Variants in FRMD4A observed in about 807,000 individuals in gnomAD.
FRMD4A encodes the protein FERM domain-containing protein 4A.
Under a neutral mutation model 129.1 loss-of-function variants are expected in FRMD4A, and 29 were observed. That is an observed-to-expected ratio of 0.22 (90% CI 0.17 to 0.31). The LOEUF (loss-of-function observed/expected upper bound fraction) is 0.31. Among genes scored for constraint, FRMD4A ranks in the 10% least tolerant of loss-of-function variants. The pLI is 1.00. For missense variants in FRMD4A, 1,272 were observed against 1,375.8 expected (o/e 0.92, Z 1.19); for synonymous variants, 634 against 571.6 (o/e 1.11, Z -1.56).
Position 13,656,852 on chromosome 10 carries a change from C to T in FRMD4A, c.2737G>A (p.Gly913Ser), listed in dbSNP as rs761928430. ...ILRTPSLGRE[G>S]AHDKGAGRAA... ...CGGCCCGCGCCCTTGTCGTGGGCGC[C>T]CTCGCGGCCCAGCGACGGAGTCCGC... is the stretch of plus-strand genomic sequence containing the variant. The change falls in exon 22 of 25, where the codon GGC becomes AGC. Residue 913 changes from glycine (G) to serine (S), a missense_variant. Around this residue, in one of 2 missense-constraint regions of FRMD4A, gnomAD observed 972 missense variants for 892.3 expected, o/e 1.09. Transcript: ENST00000357447. 4.7e-6 allele frequency: 7 copies of T among 1,498,258 alleles called. No individual in the cohort carries two copies. Among genetic ancestry groups the T allele is most frequent in the East Asian group, 2.7e-5 (1 of 37,464 alleles). The allele number at this position is 1,498,258 out of a possible 1,614,324, so 92.8% of individuals were successfully genotyped here.
rs2094582702 is a variant in FRMD4A, at chr10:13,884,154, T to TTACACACA, written c.46-25243_46-25242insTGTGTGTA. Reference sequence around the variant, plus strand: ...CACGCTCACACACACTCTCACACACTCTCACACACACACTCACACACTCAC... The same window carrying TTACACACA: ...CACGCTCACACACACTCTCACACACTTACACACACTCACACACACACTCACACACTCAC... On this transcript the variant is annotated intron_variant, in intron 2 of 24. Transcript: ENST00000357447. Among the ~76,000 whole-genome samples the TTACACACA allele has an allele frequency of 3.1e-4, 35 of 111,226 alleles. 1 individual carries two copies. The highest frequency in any genetic ancestry group is 1.2e-3 in the African/African-American group (33 of 27,934). The allele number at this position is 111,226 out of a possible 152,430, so 73.0% of individuals were successfully genotyped here.
chr10:13,740,480 G>T, intron 10 of FRMD4A, 32 bp downstream of exon 10: 1 of 1,275,686 alleles, frequency 7.8e-7, no homozygotes, highest in African/African-American at 1.5e-5. Context: ...CACAAACACT[G>T]TCCCCATGTG....
At chr10:14,222,342 G>A (rs1843288479) in intron 2 of FRMD4A, among the ~76,000 whole-genome samples, 1 of 152,220 alleles carries the variant, frequency 6.6e-6, no homozygotes, top group South Asian at 2.1e-4. Flanking sequence ...GAACGTGGAA[G>A]TAGAGGTGCT....
intron 12 of FRMD4A, among the ~76,000 whole-genome samples, chr10:13,714,402 GT>G (rs1263612514): frequency 1.0e-4 from 15 of 145,652 alleles, no homozygotes; most frequent in African/African-American, 2.3e-4. Flanking sequence ...TATGTCAGAG[GT>G]TTTTTTTTTT....
intron 3 of FRMD4A, among the ~76,000 whole-genome samples, chr10:13,847,041 A>G (rs2094058616): frequency 6.6e-6 from 1 of 152,210 alleles, no homozygotes; most frequent in Non-Finnish European, 1.5e-5. Context: ...GCAAGACTTA[A>G]GGATGTCATT....
intron 2 of FRMD4A, among the ~76,000 whole-genome samples, chr10:13,985,901 G>A (rs576704132): frequency 6.6e-6 from 1 of 152,316 alleles, no homozygotes; most frequent in South Asian, 2.1e-4. Context: ...ACCTGCAGCT[G>A]GGAGGGATGA....
At chr10:13,718,390 A>G (rs1306642111) in intron 12 of FRMD4A, among the ~76,000 whole-genome samples, 1 of 152,262 alleles carries the variant, frequency 6.6e-6, no homozygotes, top group Non-Finnish European at 1.5e-5. Context: ...GCCCCGCTCC[A>G]GCCTGGACTT....
intron 2 of FRMD4A, among the ~76,000 whole-genome samples, chr10:13,980,425 G>A (rs33945078): frequency 0.36 from 54,037 of 152,056 alleles, 10,248 homozygotes; most frequent in East Asian, 0.72. Flanking sequence ...TCCATAAATG[G>A]TCGGTTAAAA....
At chr10:14,321,696 C>G (rs1843059838) in intron 2 of FRMD4A, among the ~76,000 whole-genome samples, 1 of 152,140 alleles carries the variant, frequency 6.6e-6, no homozygotes, top group African/African-American at 2.4e-5. Context: ...AGAAAAAGTA[C>G]AGAAGACAGG....
chr10:13,788,237 C>A (rs891031541), intron 5 of FRMD4A, among the ~76,000 whole-genome samples: 1 of 152,172 alleles, frequency 6.6e-6, no homozygotes, highest in Non-Finnish European at 1.5e-5. Context: ...CCTCTCGGCT[C>A]TCACACCCAG....
intron 2 of FRMD4A, among the ~76,000 whole-genome samples, chr10:13,970,392 G>A (rs1266614185): frequency 1.3e-5 from 2 of 152,166 alleles, no homozygotes; most frequent in African/African-American, 4.8e-5. Flanking sequence ...CATCTTCCAG[G>A]GCGCCTCCCT....
At chr10:13,959,888 AT>A in intron 2 of FRMD4A, among the ~76,000 whole-genome samples, 1 of 152,158 alleles carries the variant, frequency 6.6e-6, no homozygotes, top group Non-Finnish European at 1.5e-5. Flanking sequence ...CGTGCTCTCT[AT>A]TTGGCCAAGA....
intron 2 of FRMD4A, among the ~76,000 whole-genome samples, chr10:14,062,318 A>T (rs1253499436): frequency 6.6e-6 from 1 of 152,228 alleles, no homozygotes; most frequent in Non-Finnish European, 1.5e-5. Flanking sequence ...ACATTTATGT[A>T]AAATTTTGTG....
intron 2 of FRMD4A, among the ~76,000 whole-genome samples, chr10:14,202,133 G>A (rs1339585951): frequency 7.8e-5 from 5 of 63,912 alleles, no homozygotes; most frequent in South Asian, 2.1e-3. Flanking sequence ...GCAAGAATCC[G>A]TCTCAAGAAA....
chr10:14,024,149 A>G (rs989101020), intron 2 of FRMD4A, among the ~76,000 whole-genome samples: 2 of 152,230 alleles, frequency 1.3e-5, no homozygotes, highest in Non-Finnish European at 2.9e-5. Context: ...TTTAATCTGC[A>G]TGGACTATTC....
chr10:14,217,121 A>G (rs1321871920), intron 2 of FRMD4A, among the ~76,000 whole-genome samples: 2 of 152,202 alleles, frequency 1.3e-5, no homozygotes, highest in Non-Finnish European at 2.9e-5. Context: ...TTTTAGTTTA[A>G]ACATTTTACT....
intron 2 of FRMD4A, among the ~76,000 whole-genome samples, chr10:14,209,898 G>T (rs1023278280): frequency 2.6e-5 from 4 of 151,938 alleles, no homozygotes; most frequent in Non-Finnish European, 5.9e-5. Context: ...AAAAGAAAAG[G>T]CTCAGGAGAG....
In FRMD4A at chr10:14,300,623, G is replaced by A. The variant is rs1017716095; in HGVS notation, c.45+29435C>T. Reference sequence around the variant, plus strand: ...TTCATGGGATGTATAATCTGAATGAGGAAGATGAACATTAAAGTAATATTT... The same window carrying A: ...TTCATGGGATGTATAATCTGAATGAAGAAGATGAACATTAAAGTAATATTT... On this transcript the variant is annotated intron_variant, in intron 2 of 24. Coordinates refer to ENST00000357447, the MANE Select transcript of FRMD4A (RefSeq NM_018027.5). Among the ~76,000 whole-genome samples, 4 of 152,236 alleles carry A rather than the reference G, an allele frequency of 2.6e-5. No individual in the cohort carries two copies. In the South Asian group the frequency reaches 8.3e-4, roughly 32 times the overall value.
At chr10:14,142,456 A>G (rs1262059084) in intron 2 of FRMD4A, among the ~76,000 whole-genome samples, 2 of 152,236 alleles carry the variant, frequency 1.3e-5, no homozygotes, top group Non-Finnish European at 2.9e-5. Flanking sequence ...AATTCATCAT[A>G]TGCCCTAAGA....
Sources: gnomAD v4.1 joint callset for allele counts (sites outside exome capture counted in the v4.1 genomes callset) on GRCh38, gnomAD v4.1.1 for gene constraint, gnomAD v4.1.1 regional missense constraint, MANE v1.5 for transcripts, NCBI Gene and HGNC (gene_info 2026-07-23, HGNC 2026-07-21) for gene names.